The following CFAP70 variants were observed in gnomAD, a reference collection of about 807,000 sequenced individuals.
The protein encoded by CFAP70 is cilia and flagella associated protein 70, also known as cilia- and flagella-associated protein 70.
In CFAP70, 81 loss-of-function variants were observed where a neutral mutation model predicts 137.6. That is an observed-to-expected ratio of 0.59 (90% CI 0.49 to 0.71). The LOEUF (loss-of-function observed/expected upper bound fraction) is 0.71. CFAP70 is among the 30% of genes least tolerant of loss of function. CFAP70 has a pLI of 0.00. For synonymous variants in CFAP70, 382 were observed against 423.6 expected (o/e 0.90, Z 1.20); for missense variants, 976 against 1,226.7 (o/e 0.80, Z 3.05).
chr10:73,268,377 T>C (rs1274692248), intron 25 of CFAP70, among the ~76,000 whole-genome samples: 1 of 152,234 alleles, frequency 6.6e-6, no homozygotes, highest in Admixed American at 6.5e-5. Flanking sequence ...CTTTCTGGTT[T>C]TGCATGTGGT....
chr10:73,356,963 A>C (rs574873803), intron 1 of CFAP70, among the ~76,000 whole-genome samples: 9 of 152,222 alleles, frequency 5.9e-5, no homozygotes, highest in African/African-American at 1.9e-4. Flanking sequence ...TAAGATGTGA[A>C]CTCTCTAACC....
At chr10:73,260,930 G>A (rs2045104808) in intron 25 of CFAP70, among the ~76,000 whole-genome samples, 1 of 152,028 alleles carries the variant, frequency 6.6e-6, no homozygotes, top group South Asian at 2.1e-4. Context: ...ACAAATTTTT[G>A]TGTGGACATA....
chr10:73,358,526 C>G (rs946422113), intron 1 of CFAP70, among the ~76,000 whole-genome samples: 1 of 152,218 alleles, frequency 6.6e-6, no homozygotes, highest in Non-Finnish European at 1.5e-5. Context: ...GTGGAGGTCG[C>G]CGGGCTGGGG....
intron 12 of CFAP70, among the ~76,000 whole-genome samples, chr10:73,308,390 A>C (rs1256548584): frequency 6.6e-6 from 1 of 152,136 alleles, no homozygotes; most frequent in Non-Finnish European, 1.5e-5. Flanking sequence ...GCAATTTGGG[A>C]GGCCGAAGCG....
At position 73,345,118 on chromosome 10, in the gene CFAP70, T is replaced by C. The variant is rs184423319; in HGVS notation, c.350-4A>G. ...ACCATGTAGTTCTGCCCAGGACCTG[T>C]TGGAATGAAGGATTCAGGCACAGAG... On this transcript the variant is annotated splice_region_variant and splice_polypyrimidine_tract_variant and intron_variant, in intron 4 of 26. Transcript: ENST00000310715. 127 of 1,614,172 alleles carry C rather than the reference T, an allele frequency of 7.9e-5. No individual in the cohort carries two copies. The East Asian group carries it at 1.0e-3, about 13-fold the overall frequency.
intron 12 of CFAP70, among the ~76,000 whole-genome samples, chr10:73,303,280 C>T (rs541803368): frequency 6.6e-6 from 1 of 152,184 alleles, no homozygotes; most frequent in East Asian, 1.9e-4. Flanking sequence ...TGCAGTGGCA[C>T]AACCTTGGCT....
At chr10:73,306,114 T>C (rs1197061148) in intron 12 of CFAP70, among the ~76,000 whole-genome samples, 3 of 151,996 alleles carry the variant, frequency 2.0e-5, no homozygotes, top group South Asian at 4.1e-4. Context: ...AAACTGAAGA[T>C]GGAACAATTA....
At chr10:73,348,269 A>G (rs757032154) in intron 4 of CFAP70, 34 bp from the exon 5 acceptor site, 1 of 1,609,774 alleles carries the variant, frequency 6.2e-7, no homozygotes, top group East Asian at 2.2e-5. Flanking sequence ...GCCAAAGAAG[A>G]AAGGGTTAAG....
intron 26 of CFAP70, among the ~76,000 whole-genome samples, chr10:73,256,048 C>T (rs940218370): frequency 3.3e-5 from 5 of 152,080 alleles, no homozygotes; most frequent in Admixed American, 6.5e-5. Context: ...ACATATTACA[C>T]GAGGAAAATG....
chr10:73,312,437 C>A, intron 10 of CFAP70, 36 bp downstream of exon 11: 2 of 1,491,100 alleles, frequency 1.3e-6, no homozygotes, highest in East Asian at 2.3e-5. Context: ...GGAATGTAAT[C>A]TAAGAGGCAA....
At chr10:73,289,953 G>A (rs137863610) in intron 19 of CFAP70, among the ~76,000 whole-genome samples, 4,042 of 151,132 alleles carry the variant, frequency 0.027, 72 homozygotes, top group Middle Eastern at 0.075. Context: ...GCTGAGGCAG[G>A]AGGATTGCTT....
Position 73,323,105 on chromosome 10 carries a change from A to G in CFAP70, c.778-8T>C. The G allele has an allele frequency of 3.1e-6, 5 of 1,603,478 alleles. No individual in the cohort carries two copies. Among genetic ancestry groups the G allele is most frequent in the Non-Finnish European group, 4.3e-6 (5 of 1,176,224 alleles). ...CTGAGCTTCTTCATCAGTCTAAAGG[A>G]ATAAAACCAGAGAGTTGTTAGTGCT... On this transcript the variant is annotated splice_polypyrimidine_tract_variant and splice_region_variant and intron_variant, in intron 8 of 26. Transcript: ENST00000310715.
rs755436496 is a variant in CFAP70 at position 73,274,601 on chromosome 10, A to G, written c.2674-7T>C. 6.2e-7 allele frequency: 1 copy of G among 1,611,334 alleles called. No homozygotes were observed. The highest frequency in any genetic ancestry group is 1.7e-5 in the Admixed American group (1 of 59,292). On this transcript the variant is annotated splice_region_variant and splice_polypyrimidine_tract_variant and intron_variant, in intron 22 of 26. Transcript: ENST00000310715. ...GGCCCCAGACATTGGGGTTCTGGGA[A>G]AGTGAAAAGCAAGTAGTATATGGGA...
intron 6 of CFAP70, 101 bp downstream of exon 7, chr10:73,341,298 G>T: frequency 1.9e-6 from 2 of 1,038,178 alleles, no homozygotes; most frequent in African/African-American, 1.6e-5. Flanking sequence ...TAAGTATTTC[G>T]ACAGGTGACA....
In CFAP70 at chr10:73,261,149, G is replaced by C. The variant is rs143898950; in HGVS notation, c.3028-4733C>G. On this transcript the variant is annotated intron_variant, in intron 25 of 26. Transcript: ENST00000310715. ...TCTTTTTTTTTTTTTTTTGAGACAA[G>C]ATCTCATTCTGTCACCCAGGCTGGA... Among the ~76,000 whole-genome samples, 365 of 145,154 alleles carry C rather than the reference G, an allele frequency of 2.5e-3. 1 individual carries two copies. Among genetic ancestry groups the C allele is most frequent in the African/African-American group, 9.1e-3 (354 of 39,020 alleles).
At chr10:73,262,325 G>A (rs887972059) in intron 25 of CFAP70, among the ~76,000 whole-genome samples, 8 of 151,972 alleles carry the variant, frequency 5.3e-5, no homozygotes, top group Non-Finnish European at 1.2e-4. Flanking sequence ...CACTGTAGAC[G>A]CTACCTGCCA....
chr10:73,325,003 T>C (rs531369446), intron 8 of CFAP70, among the ~76,000 whole-genome samples: 16 of 152,198 alleles, frequency 1.1e-4, no homozygotes, highest in African/African-American at 3.9e-4. Flanking sequence ...AAGATACTCC[T>C]TGAGAAGAGC....
At chr10:73,303,778 ACT>A (rs1210535363) in intron 12 of CFAP70, among the ~76,000 whole-genome samples, 1 of 152,218 alleles carries the variant, frequency 6.6e-6, no homozygotes, top group Non-Finnish European at 1.5e-5. Flanking sequence ...CATTAAGGAT[ACT>A]GTTATACTGT....
chr10:73,277,241 T>A (rs1397825840), exon 21 of CFAP70: 1 of 1,613,054 alleles, frequency 6.2e-7, no homozygotes, highest in Non-Finnish European at 8.5e-7. Context: ...TACTCTGACC[T>A]GCACAGCCTT....
Sources: allele counts gnomAD v4.1 joint callset (sites outside exome capture counted in the v4.1 genomes callset), GRCh38; gene constraint gnomAD v4.1.1; transcripts MANE v1.5; gene names NCBI Gene and HGNC (gene_info 2026-07-23, HGNC 2026-07-21).